The following VAC14 variants were observed in gnomAD, a reference collection of about 807,000 sequenced individuals.
The protein encoded by VAC14 is protein VAC14 homolog.
A neutral mutation model predicts 85.3 loss-of-function variants in VAC14; 47 were observed. That is an observed-to-expected ratio of 0.55 (90% CI 0.44 to 0.70). VAC14 has a LOEUF of 0.70. Ranked by LOEUF, VAC14 falls within the 30% of genes least tolerant of loss-of-function variation. VAC14 has a pLI of 0.00. For synonymous variants in VAC14, 447 were observed against 430.5 expected (o/e 1.04, Z -0.47); for missense variants, 861 against 1,004.3 (o/e 0.86, Z 1.93).
At chr16:70,781,151 G>A (rs1352555680) in intron 8 of VAC14, among the ~76,000 whole-genome samples, 2 of 151,966 alleles carry the variant, frequency 1.3e-5, no homozygotes, top group South Asian at 2.1e-4. Context: ...GAGGGGGCTC[G>A]TTCTTTCAAA....
At chr16:70,691,276 C>G (rs2053590568) in intron 18 of VAC14, 1 of 985,318 alleles carries the variant, frequency 1.0e-6, no homozygotes, top group East Asian at 1.1e-4. Flanking sequence ...GCCAGGAGGA[C>G]TCCCAGGAAG....
At position 70,783,375 on chromosome 16, in the gene VAC14, G is replaced by T. The variant is rs1232526503; in HGVS notation, c.704+70C>A. 8 of 1,497,708 alleles carry T rather than the reference G, an allele frequency of 5.3e-6. No individual in the cohort carries two copies. The Admixed American group carries it at 1.3e-4, about 25-fold the overall frequency. The allele number at this position is 1,497,708 out of a possible 1,614,324, so 92.8% of individuals were successfully genotyped here. A position where few individuals can be genotyped will look rare whatever the true frequency, so the allele number is the denominator to read the frequency against. On this transcript the variant is annotated intron_variant, in intron 6 of 18. Coordinates refer to ENST00000261776, the MANE Select transcript of VAC14 (RefSeq NM_018052.5). The stretch of plus-strand genomic sequence containing the variant: ...TGCCCTCCTGCCGCGGCCTCTCTGT[G>T]GGCATGAAGCACATGGGCACAGCTG...
At chr16:70,759,199 C>T (rs889619771) in intron 12 of VAC14, among the ~76,000 whole-genome samples, 5 of 152,334 alleles carry the variant, frequency 3.3e-5, no homozygotes, top group Admixed American at 3.3e-4. Flanking sequence ...GTGGGTTTAT[C>T]ACAACCATCC....
intron 10 of VAC14, among the ~76,000 whole-genome samples, chr16:70,763,852 T>C (rs1014130267): frequency 3.3e-5 from 5 of 152,198 alleles, no homozygotes; most frequent in African/African-American, 1.2e-4. Flanking sequence ...AGTTGGTTTT[T>C]TGCCCAAAGC....
chr16:70,711,238 G>A (rs1457826592), intron 14 of VAC14, among the ~76,000 whole-genome samples: 1 of 152,220 alleles, frequency 6.6e-6, no homozygotes, highest in African/African-American at 2.4e-5. Flanking sequence ...CTTCCGGGGC[G>A]GCCAGAGACC....
intron 18 of VAC14, chr16:70,691,218 G>T: frequency 1.0e-6 from 1 of 985,412 alleles, no homozygotes; most frequent in Non-Finnish European, 1.2e-6. Context: ...CTCCCAAGAC[G>T]AGGAGATCAG....
chr16:70,754,915 T>A (rs532803824), intron 12 of VAC14, among the ~76,000 whole-genome samples: 11 of 152,186 alleles, frequency 7.2e-5, no homozygotes, highest in Non-Finnish European at 1.5e-4. Flanking sequence ...TATGGAAGAC[T>A]GTCCGCTTCT....
intron 10 of VAC14, chr16:70,768,910 C>T (rs1257679384): frequency 2.3e-6 from 1 of 436,160 alleles, no homozygotes; most frequent in Admixed American, 2.5e-5. Context: ...AAGCAATTCT[C>T]CTGCTTCAGC....
In VAC14 at chr16:70,688,017, G is replaced by A; in HGVS notation, c.2260C>T (p.His754Tyr). The A allele has an allele frequency of 6.2e-6, 10 of 1,606,828 alleles. No homozygotes were observed. Among genetic ancestry groups the A allele is most frequent in the Non-Finnish European group, 8.5e-6 (10 of 1,175,860 alleles). Residue 754 changes from histidine (H) to tyrosine (Y), a missense_variant, in exon 19 of 19, where the codon CAC becomes TAC. Coordinates refer to ENST00000261776, the MANE Select transcript of VAC14 (RefSeq NM_018052.5). ...PSIDYAELLQ[H>Y]FEKVQNKHLE... Reference sequence around the variant, plus strand: ...TGCTTGTTCTGGACCTTCTCAAAGTGCTGCAGCAGCTCTGCGTAGTCGATG... The same window carrying A: ...TGCTTGTTCTGGACCTTCTCAAAGTACTGCAGCAGCTCTGCGTAGTCGATG...
At chr16:70,690,045 C>G in intron 18 of VAC14, 2 of 985,486 alleles carry the variant, frequency 2.0e-6, no homozygotes, top group Non-Finnish European at 2.4e-6. Flanking sequence ...CAAGCCAAGG[C>G]CTTAGGTTAG....
At chr16:70,773,815 A>G (rs973262550) in intron 9 of VAC14, among the ~76,000 whole-genome samples, 1 of 151,770 alleles carries the variant, frequency 6.6e-6, no homozygotes, top group Non-Finnish European at 1.5e-5. Context: ...CCCAGGCTGG[A>G]GTGTAGTGGC....
chr16:70,735,413 G>A (rs1459620709), intron 13 of VAC14, among the ~76,000 whole-genome samples: 1 of 152,210 alleles, frequency 6.6e-6, no homozygotes, highest in South Asian at 2.1e-4. Context: ...GAACCATCCA[G>A]AGTATTCCAA....
At chr16:70,723,520 T>C (rs1159147909) in intron 14 of VAC14, among the ~76,000 whole-genome samples, 6 of 152,242 alleles carry the variant, frequency 3.9e-5, no homozygotes. Context: ...TGTTAATTAA[T>C]GAAGCTGCTG....
chr16:70,691,996 C>T lies in VAC14; in HGVS notation c.2186+825G>A, dbSNP rs117825743. 4,215 of 984,970 alleles carry T rather than the reference C, an allele frequency of 4.3e-3. 8 individuals carry two copies. The highest frequency in any genetic ancestry group is 0.024 in the Middle Eastern group (46 of 1,914). The allele number at this position is 984,970 out of a possible 1,614,324, so 61.0% of individuals were successfully genotyped here. ...CACAGGGCATCTGATGCAAGCTGGG[C>T]GCGCTCCATTCAGCGTAAATCTTCT... On this transcript the variant is annotated intron_variant, in intron 18 of 18. Transcript: ENST00000261776.
At chr16:70,783,203 C>T in intron 6 of VAC14, 64 bp from the exon 7 acceptor site, 1 of 1,542,620 alleles carries the variant, frequency 6.5e-7, no homozygotes, top group Non-Finnish European at 8.9e-7. Flanking sequence ...AGCCTCAAAC[C>T]AGCCCCATTT....
At chr16:70,696,640 G>A (rs1019632639) in intron 16 of VAC14, among the ~76,000 whole-genome samples, 4 of 152,194 alleles carry the variant, frequency 2.6e-5, no homozygotes, top group African/African-American at 9.7e-5. Context: ...CAAGCCTGTC[G>A]GGCTCTAGCT....
intron 12 of VAC14, chr16:70,747,402 T>C (rs1320260603): frequency 6.6e-6 from 1 of 151,948 alleles, no homozygotes; most frequent in Non-Finnish European, 1.5e-5. Context: ...GATGGTTGTA[T>C]AATCTTGCGA....
chr16:70,791,936 C>T (rs1198530020), intron 1 of VAC14, among the ~76,000 whole-genome samples: 3 of 152,270 alleles, frequency 2.0e-5, no homozygotes, highest in South Asian at 2.1e-4. Flanking sequence ...TGCATTTGGA[C>T]GGTCCTCACC....
intron 18 of VAC14, chr16:70,691,812 G>A (rs2053601220): frequency 1.0e-6 from 1 of 985,318 alleles, no homozygotes; most frequent in African/African-American, 1.7e-5. Context: ...AGGGGCAGTG[G>A]GAGCCGATGC....
Sources: gnomAD v4.1 joint callset for allele counts (sites outside exome capture counted in the v4.1 genomes callset) on GRCh38, gnomAD v4.1.1 for gene constraint, MANE v1.5 for transcripts, NCBI Gene and HGNC (gene_info 2026-07-23, HGNC 2026-07-21) for gene names.